SEMA3E: variants seen among roughly 807,000 people sequenced by gnomAD.
SEMA3E encodes semaphorin 3E, also known as semaphorin-3E.
Under a neutral mutation model 93.6 loss-of-function variants are expected in SEMA3E, and 49 were observed. The ratio of observed to expected loss-of-function variants is 0.52; its 90% confidence interval spans 0.42 to 0.66. The LOEUF (loss-of-function observed/expected upper bound fraction) is 0.66. SEMA3E is among the 30% of genes least tolerant of loss of function. SEMA3E has a pLI of 0.00. For synonymous variants in SEMA3E, 363 were observed against 330.7 expected (o/e 1.10, Z -1.06); for missense variants, 906 against 964.8 (o/e 0.94, Z 0.81).
intron 1 of SEMA3E, among the ~76,000 whole-genome samples, chr7:83,610,713 T>C (rs1305259946): frequency 6.6e-6 from 1 of 151,902 alleles, no homozygotes; most frequent in Admixed American, 6.6e-5. Context: ...TAAGCTAAAA[T>C]GAGATGGGGA....
intron 1 of SEMA3E, among the ~76,000 whole-genome samples, chr7:83,581,978 A>G (rs914175234): frequency 3.9e-5 from 6 of 152,002 alleles, no homozygotes; most frequent in Admixed American, 3.9e-4. Flanking sequence ...TGTGCTGCTG[A>G]AAGAAATAGA....
chr7:83,450,244 T>C (rs1276248086), intron 4 of SEMA3E, among the ~76,000 whole-genome samples: 2 of 152,204 alleles, frequency 1.3e-5, no homozygotes, highest in Admixed American at 1.3e-4. Context: ...GTATCCTCTA[T>C]GGCACAGCAA....
intron 1 of SEMA3E, among the ~76,000 whole-genome samples, chr7:83,601,716 T>C (rs750912752): frequency 6.6e-6 from 1 of 152,092 alleles, no homozygotes; most frequent in Non-Finnish European, 1.5e-5. Context: ...GCTACAGATA[T>C]AGAGAGAAAA....
intron 1 of SEMA3E, among the ~76,000 whole-genome samples, chr7:83,605,495 A>G (rs1025692894): frequency 1.3e-5 from 2 of 150,092 alleles, no homozygotes; most frequent in Admixed American, 1.3e-4. Flanking sequence ...CAGTGGTGCG[A>G]TCTCAATTCA....
intron 1 of SEMA3E, among the ~76,000 whole-genome samples, chr7:83,583,958 C>T (rs1282586618): frequency 6.6e-6 from 1 of 152,042 alleles, no homozygotes; most frequent in Non-Finnish European, 1.5e-5. Context: ...GTTGTTGAGC[C>T]TACACAGCTA....
chr7:83,611,225 C>A (rs570233893), intron 1 of SEMA3E, among the ~76,000 whole-genome samples: 2 of 146,204 alleles, frequency 1.4e-5, no homozygotes, highest in Non-Finnish European at 3.0e-5. Flanking sequence ...CAAATTTTTC[C>A]GTACCCCAGA....
intron 1 of SEMA3E, among the ~76,000 whole-genome samples, chr7:83,524,170 A>G (rs1373697769): frequency 6.6e-6 from 1 of 152,130 alleles, no homozygotes; most frequent in African/African-American, 2.4e-5. Context: ...AGACCTTGTA[A>G]GATAGTTTTC....
chr7:83,427,917 T>C (rs1034528306), intron 4 of SEMA3E, among the ~76,000 whole-genome samples: 14 of 152,210 alleles, frequency 9.2e-5, no homozygotes, highest in Non-Finnish European at 1.9e-4. Flanking sequence ...AATTTCTGCC[T>C]GAGTAGTGTG....
intron 1 of SEMA3E, among the ~76,000 whole-genome samples, chr7:83,638,264 C>G (rs534496472): frequency 6.6e-6 from 1 of 152,276 alleles, no homozygotes; most frequent in East Asian, 1.9e-4. Context: ...TTAATTTTAT[C>G]ACACTGTTGG....
chr7:83,470,789 T>C (rs1157201560), intron 2 of SEMA3E, among the ~76,000 whole-genome samples: 2 of 152,104 alleles, frequency 1.3e-5, no homozygotes, highest in Admixed American at 6.5e-5. Flanking sequence ...GTTCCCTCAA[T>C]AGTCCTATGC....
chr7:83,505,461 C>G (rs1187097943), intron 1 of SEMA3E, among the ~76,000 whole-genome samples: 1 of 152,096 alleles, frequency 6.6e-6, no homozygotes, highest in Non-Finnish European at 1.5e-5. Context: ...AAAATTACCA[C>G]TGAATATACC....
At chr7:83,482,961 T>C (rs1234120925) in intron 2 of SEMA3E, among the ~76,000 whole-genome samples, 2 of 151,856 alleles carry the variant, frequency 1.3e-5, no homozygotes, top group Admixed American at 6.6e-5. Flanking sequence ...GGTGGACAAG[T>C]AGAGATTAGG....
At chr7:83,488,655 G>A (rs141971508) in intron 2 of SEMA3E, among the ~76,000 whole-genome samples, 87 of 152,226 alleles carry the variant, frequency 5.7e-4, no homozygotes, top group African/African-American at 1.9e-3. Flanking sequence ...GCTAGGAGAG[G>A]ATATGCTTCC....
intron 1 of SEMA3E, among the ~76,000 whole-genome samples, chr7:83,623,745 T>C (rs985429690): frequency 2.0e-5 from 3 of 152,086 alleles, no homozygotes; most frequent in African/African-American, 4.8e-5. Context: ...CATTTCTTTT[T>C]TTTCCTTTTT....
intron 2 of SEMA3E, 46 bp downstream of exon 2, chr7:83,490,067 TC>T (rs772507420): frequency 1.3e-6 from 2 of 1,575,640 alleles, no homozygotes; most frequent in South Asian, 1.1e-5. Flanking sequence ...TCTTGAAATT[TC>T]CCCCCTTTTC....
intron 1 of SEMA3E, among the ~76,000 whole-genome samples, chr7:83,594,422 T>G (rs763736849): frequency 7.2e-5 from 11 of 152,080 alleles, no homozygotes; most frequent in Non-Finnish European, 1.5e-4. Context: ...CCAAGAATGC[T>G]GAAGGAAACA....
At chr7:83,390,047 G>A (rs1787976958) in intron 14 of SEMA3E, among the ~76,000 whole-genome samples, 2 of 142,274 alleles carry the variant, frequency 1.4e-5, no homozygotes, top group Admixed American at 7.0e-5. Flanking sequence ...ACATATATGC[G>A]CGTATACGTG....
rs1002626309 is a variant in SEMA3E, at chr7:83,466,500, T to C, written c.438A>G (p.Arg146=). ...ATCTTACCTCCAAATGATATCCAACTCTGATGAAGGCACAAACTGGATCAA... is the reference window on the plus strand; with the variant it reads ...ATCTTACCTCCAAATGATATCCAACCCTGATGAAGGCACAAACTGGATCAA... ...GAFDPVCAFI[R]VGYHLEDPLF... Residue 146 remains arginine (R), a synonymous_variant, in exon 4 of 17, where the codon AGA becomes AGG. Transcript: ENST00000643230. 1.9e-6 allele frequency: 3 copies of C among 1,613,836 alleles called. No homozygotes were observed. The highest frequency in any genetic ancestry group is 2.7e-5 in the African/African-American group (2 of 74,910).
intron 12 of SEMA3E, among the ~76,000 whole-genome samples, chr7:83,394,840 G>A (rs1341062575): frequency 9.2e-5 from 14 of 152,126 alleles, no homozygotes; most frequent in Admixed American, 8.5e-4. Flanking sequence ...TGAATGAGAT[G>A]AATAACCTGA....
Sources: allele counts gnomAD v4.1 joint callset (sites outside exome capture counted in the v4.1 genomes callset), GRCh38; gene constraint gnomAD v4.1.1; transcripts MANE v1.5; gene names NCBI Gene and HGNC (gene_info 2026-07-23, HGNC 2026-07-21).